Variants in GFRA2 observed in about 807,000 individuals in gnomAD.
The protein encoded by GFRA2 is GDNF family receptor alpha-2.
A neutral mutation model predicts 48.3 loss-of-function variants in GFRA2; 17 were observed. The ratio of observed to expected loss-of-function variants is 0.35; its 90% confidence interval spans 0.24 to 0.53. GFRA2 has a LOEUF of 0.53. Ranked by LOEUF, GFRA2 falls within the 20% of genes least tolerant of loss-of-function variation. The pLI, the probability that GFRA2 is intolerant of heterozygous loss-of-function variation, is 0.93. For missense variants in GFRA2, 660 were observed against 637.3 expected (o/e 1.04, Z -0.38); for synonymous variants, 305 against 257.2 (o/e 1.19, Z -1.78).
chr8:21,766,659 A>T (rs996897762), intron 3 of GFRA2, among the ~76,000 whole-genome samples: 2 of 150,006 alleles, frequency 1.3e-5, no homozygotes, highest in African/African-American at 4.9e-5. Flanking sequence ...TGGCTCCCCT[A>T]AGAGGATGAA....
chr8:21,756,573 C>A (rs943673865), intron 3 of GFRA2, among the ~76,000 whole-genome samples: 2 of 152,184 alleles, frequency 1.3e-5, no homozygotes, highest in African/African-American at 4.8e-5. Context: ...TCTGAGACAG[C>A]CACTGCCCTG....
intron 2 of GFRA2, among the ~76,000 whole-genome samples, chr8:21,776,083 A>C (rs1303230780): frequency 6.6e-6 from 1 of 151,122 alleles, no homozygotes; most frequent in Non-Finnish European, 1.5e-5. Context: ...TTTCCCATCC[A>C]GGCAGGGCCT....
chr8:21,804,741 A>G (rs559564024), intron 2 of GFRA2, among the ~76,000 whole-genome samples: 1 of 152,178 alleles, frequency 6.6e-6, no homozygotes, highest in East Asian at 1.9e-4. Context: ...TTGTGTCATG[A>G]GTGTTATTGA....
chr8:21,712,350 G>C (rs1453236218), intron 4 of GFRA2, among the ~76,000 whole-genome samples: 1 of 149,284 alleles, frequency 6.7e-6, no homozygotes, highest in Admixed American at 6.7e-5. Context: ...GGGCAGAGGC[G>C]CTCCTCACAT....
At chr8:21,808,017 T>G (rs1807904008) in intron 1 of GFRA2, among the ~76,000 whole-genome samples, 2 of 152,230 alleles carry the variant, frequency 1.3e-5, no homozygotes, top group African/African-American at 2.4e-5. Flanking sequence ...TACACTCATA[T>G]GAGGTAGTGT....
At chr8:21,743,373 AG>A (rs1298749475) in intron 4 of GFRA2, among the ~76,000 whole-genome samples, 1 of 152,186 alleles carries the variant, frequency 6.6e-6, no homozygotes. Flanking sequence ...CCCCTAAGCA[AG>A]GGCTGCTCTG....
At chr8:21,762,570 G>A (rs573631306) in intron 3 of GFRA2, among the ~76,000 whole-genome samples, 2 of 152,266 alleles carry the variant, frequency 1.3e-5, no homozygotes, top group South Asian at 4.2e-4. Context: ...AAATCAATTT[G>A]ACGAATGGCA....
intron 8 of GFRA2, among the ~76,000 whole-genome samples, chr8:21,693,690 T>G (rs1204472689): frequency 1.6e-5 from 1 of 63,478 alleles, no homozygotes; most frequent in African/African-American, 6.1e-5. Context: ...CCTCCCTGCA[T>G]CAGGGCTGAG....
At chr8:21,727,970 T>C (rs1291615232) in intron 4 of GFRA2, among the ~76,000 whole-genome samples, 2 of 152,136 alleles carry the variant, frequency 1.3e-5, no homozygotes, top group Non-Finnish European at 2.9e-5. Flanking sequence ...CCTTCTACCA[T>C]AGGAAGAGTT....
chr8:21,771,095 G>A (rs936655202), intron 3 of GFRA2, among the ~76,000 whole-genome samples: 10 of 152,140 alleles, frequency 6.6e-5, no homozygotes, highest in Admixed American at 3.3e-4. Flanking sequence ...CTGATGCGCC[G>A]TGGGCACTGT....
rs1454662960 is a variant in GFRA2, at chr8:21,704,941, G to T, written c.1045+44C>A. On this transcript the variant is annotated intron_variant, in intron 6 of 8. Coordinates refer to ENST00000524240, the MANE Select transcript of GFRA2 (RefSeq NM_001495.5). ...AATGGCTAGGACAGACTCCAGGAGG[G>T]GTGGGAGGGGCTGCTGGGGTTGGGG... The T allele has an allele frequency of 2.7e-6, 4 of 1,454,858 alleles. No homozygotes were observed. The East Asian group carries it at 6.8e-5, about 25-fold the overall frequency. The allele number at this position is 1,454,858 out of a possible 1,614,324, so 90.1% of individuals were successfully genotyped here. A position where few individuals can be genotyped will look rare whatever the true frequency, so the allele number is the denominator to read the frequency against.
intron 4 of GFRA2, among the ~76,000 whole-genome samples, chr8:21,739,876 TG>T (rs1489931245): frequency 1.3e-5 from 2 of 152,214 alleles, no homozygotes; most frequent in South Asian, 2.1e-4. Flanking sequence ...TCTAAGGGGC[TG>T]GGCCATCAAG....
intron 1 of GFRA2, chr8:21,784,409 C>T (rs1781798244): frequency 2.2e-6 from 1 of 450,992 alleles, no homozygotes; most frequent in Non-Finnish European, 4.5e-6. Flanking sequence ...AAATCCTAGG[C>T]CAGAAGTCCC....
At chr8:21,773,204 T>G (rs1806520115) in intron 3 of GFRA2, among the ~76,000 whole-genome samples, 1 of 152,212 alleles carries the variant, frequency 6.6e-6, no homozygotes, top group Non-Finnish European at 1.5e-5. Flanking sequence ...GGCCAAGACT[T>G]ACCGTAGAGC....
intron 4 of GFRA2, among the ~76,000 whole-genome samples, chr8:21,746,222 G>A (rs2117572536): frequency 1.3e-5 from 2 of 152,278 alleles, no homozygotes; most frequent in African/African-American, 4.8e-5. Context: ...CAGTGTCTGT[G>A]CATCTCAGTC....
intron 4 of GFRA2, among the ~76,000 whole-genome samples, chr8:21,738,922 G>C (rs1273195739): frequency 6.6e-5 from 10 of 152,208 alleles, no homozygotes; most frequent in Admixed American, 6.5e-4. Context: ...CTTCCATGGA[G>C]GTGCTACTGT....
intron 3 of GFRA2, among the ~76,000 whole-genome samples, chr8:21,768,713 G>C (rs1005985423): frequency 6.6e-6 from 1 of 152,062 alleles, no homozygotes. Flanking sequence ...TGACTTTTGA[G>C]CCCAGGGATA....
At chr8:21,784,170 A>T in intron 1 of GFRA2, 1 of 394,390 alleles carries the variant, frequency 2.5e-6, no homozygotes, top group African/African-American at 2.1e-5. Context: ...AGGTAGGTGA[A>T]CGGCAGGGAC....
chr8:21,693,266 G>T lies in GFRA2; in HGVS notation c.*12C>A, dbSNP rs200715974. The T allele has an allele frequency of 6.2e-7, 1 of 1,601,458 alleles. No individual in the cohort carries two copies. Among genetic ancestry groups the T allele is most frequent in the Non-Finnish European group, 8.5e-7 (1 of 1,173,612 alleles). On this transcript the variant is annotated 3_prime_UTR_variant, in exon 9 of 9. Coordinates refer to ENST00000524240, the MANE Select transcript of GFRA2 (RefSeq NM_001495.5). ...GTAGCTTTCAAAAATATTCTGACTC[G>T]GTTCCCACAGCCTACAAGGCCAGTT...
Sources: allele counts gnomAD v4.1 joint callset (sites outside exome capture counted in the v4.1 genomes callset), GRCh38; gene constraint gnomAD v4.1.1; transcripts MANE v1.5; gene names NCBI Gene and HGNC (gene_info 2026-07-23, HGNC 2026-07-21).